SUN2: variants seen among roughly 807,000 people sequenced by gnomAD.
The protein encoded by SUN2 is Sad1 and UNC84 domain containing 2.
Under a neutral mutation model 100.0 loss-of-function variants are expected in SUN2, and 60 were observed. The observed-to-expected ratio is 0.60, with a 90% CI of 0.49 to 0.74. SUN2 has a LOEUF of 0.74. Among genes scored for constraint, SUN2 ranks in the 30% least tolerant of loss-of-function variants. The pLI, the probability that SUN2 is intolerant of heterozygous loss-of-function variation, is 0.00. For synonymous variants in SUN2, 367 were observed against 403.3 expected, an observed-to-expected ratio of 0.91 and a Z score of 1.08; for missense variants, 834 against 954.6, an observed-to-expected ratio of 0.87 and a Z score of 1.66.
rs758814971 is a variant in SUN2, at chr22:38,750,294, A to C, written c.451T>G (p.Ser151Ala). 4 of 1,613,922 alleles carry C rather than the reference A, an allele frequency of 2.5e-6. No individual in the cohort carries two copies. The Admixed American group carries it at 6.7e-5, about 27-fold the overall frequency. The change falls in exon 5 of 18, where the codon TCC (serine) becomes GCC (alanine). Residue 151 changes from serine to alanine, a missense_variant. Physicochemically the swap from Ser to Ala is moderately conservative, Grantham distance 99. Transcript: ENST00000689035. Reference sequence around the variant, plus strand: ...ACGGCGCTTCGGAGCCGCGAGCTGGAACTCTGCTGGTCCACATCCGAGTAG... The same window carrying C: ...ACGGCGCTTCGGAGCCGCGAGCTGGCACTCTGCTGGTCCACATCCGAGTAG... ...VGYSDVDQQS[S>A]SSRLRSAVSR...
intron 5 of SUN2, 138 bp from the exon 6 acceptor site, chr22:38,749,997 G>T: frequency 9.6e-7 from 1 of 1,041,138 alleles, no homozygotes; most frequent in Non-Finnish European, 1.4e-6. Context: ...CGGGACCCAG[G>T]TCCTTGGATC....
rs368451675 is a variant in SUN2 at position 38,752,010 on chromosome 22, T to C, written c.122+497A>G. Reference sequence around the variant, plus strand: ...TGAGATTGAGATGGAGTTTCACTCTTGTCAACCCAGGCTGGAGTGCAATGC... The same window carrying C: ...TGAGATTGAGATGGAGTTTCACTCTCGTCAACCCAGGCTGGAGTGCAATGC... On this transcript the variant is annotated intron_variant, in intron 2 of 17. Transcript: ENST00000689035. Among the ~76,000 whole-genome samples, 175 of 152,356 alleles carry C rather than the reference T, an allele frequency of 1.1e-3. 7 individuals are homozygous for C. In the South Asian group the frequency reaches 0.035, roughly 31 times the overall value.
At position 38,738,003 on chromosome 22, in the gene SUN2, C is replaced by T. The variant is rs2145929971; in HGVS notation, c.2040+170G>A. On this transcript the variant is annotated intron_variant, in intron 17 of 17. Coordinates refer to ENST00000689035, the MANE Select transcript of SUN2 (RefSeq NM_015374.3). This position sits in a 1 kb window ranked among gnomAD's most constrained non-coding sequence, Gnocchi z 6.6. ...AAGGTGCCTTCCCCTGTGCTGACGT[C>T]TGCAGGATGCGTGTTACACCCCATT... 1 of 728,114 alleles carries T rather than the reference C, an allele frequency of 1.4e-6. No homozygotes were observed. The highest frequency in any genetic ancestry group is 1.5e-5 in the South Asian group (1 of 67,384). The allele number at this position is 728,114 out of a possible 1,614,324, so 45.1% of individuals were successfully genotyped here.
chr22:38,737,708 G>GC lies in SUN2; in HGVS notation c.2040+464dup, dbSNP rs2092818390. On this transcript the variant is annotated intron_variant, in intron 17 of 17. Transcript: ENST00000689035. The surrounding 1 kb of genome is among the most constrained non-coding windows in gnomAD (Gnocchi z 4.1). ...AAATGCAGGCTCCTGGGTCCTGTCA[G>GC]CCCTAAGGAACCAGACTCTCCTGGG... The GC allele has an allele frequency of 2.8e-6, 1 of 359,856 alleles. No individual in the cohort carries two copies. The highest frequency in any genetic ancestry group is 5.5e-6 in the Non-Finnish European group (1 of 182,824). 22.3% of individuals were successfully genotyped at this position (359,856 alleles called of 1,614,324 possible). A position where few individuals can be genotyped will look rare whatever the true frequency, so the allele number is the denominator to read the frequency against.
At chr22:38,752,179 TGGTCAGGGTCA>T (rs2092950260) in intron 2 of SUN2, among the ~76,000 whole-genome samples, 3 of 152,194 alleles carry the variant, frequency 2.0e-5, no homozygotes, top group Non-Finnish European at 2.9e-5. Context: ...TTCACTATGT[TGGTCAGGGTCA>T]GGTGATCCAC....
rs566953413 is a variant in SUN2, at chr22:38,742,444, C to G, written c.925G>C (p.Glu309Gln). The change falls in exon 9 of 18, where the codon GAG becomes CAG. Residue 309 changes from glutamate (E) to glutamine (Q), a missense_variant. By Grantham distance (29) the Glu-to-Gln change is conservative. Transcript: ENST00000689035. ...QKEAMRLERL[E>Q]LRQGAPGQGG... ...TGGCCAGGAGCCCCTTGCCGCAGCTCCAGACGTTCCAGCCGCATGGCCTCC... is the reference window on the plus strand; with the variant it reads ...TGGCCAGGAGCCCCTTGCCGCAGCTGCAGACGTTCCAGCCGCATGGCCTCC... 6.2e-7 allele frequency: 1 copy of G among 1,613,622 alleles called. No individual in the cohort carries two copies. The highest frequency in any genetic ancestry group is 2.2e-5 in the East Asian group (1 of 44,884).
intron 6 of SUN2, 127 bp from the exon 7 acceptor site, chr22:38,748,910 CT>C (rs2092923797): frequency 1.1e-6 from 1 of 936,922 alleles, no homozygotes; most frequent in Non-Finnish European, 1.7e-6. Flanking sequence ...AGGAGGATAG[CT>C]TGAGCTTCTC....
chr22:38,753,153 C>T (rs994008990), intron 1 of SUN2, among the ~76,000 whole-genome samples: 24 of 151,360 alleles, frequency 1.6e-4, no homozygotes, highest in Admixed American at 2.6e-4. Flanking sequence ...GCTCGTTCAT[C>T]GAGGGCCCCA....
At chr22:38,751,447 A>C in intron 2 of SUN2, 74 bp from the exon 3 acceptor site, 11 of 1,565,770 alleles carry the variant, frequency 7.0e-6, no homozygotes, top group Middle Eastern at 1.7e-4. Flanking sequence ...GGAAAGCCAC[A>C]GCCTGCGGCC....
chr22:38,739,199 C>G lies in SUN2; in HGVS notation c.1663+143G>C. The G allele has an allele frequency of 5.9e-6, 6 of 1,017,798 alleles. No homozygotes were observed. The highest frequency in any genetic ancestry group is 2.0e-5 in the Admixed American group (1 of 50,416). The allele number at this position is 1,017,798 out of a possible 1,614,324, so 63.0% of individuals were successfully genotyped here. A position where few individuals can be genotyped will look rare whatever the true frequency, so the allele number is the denominator to read the frequency against. On this transcript the variant is annotated intron_variant, in intron 14 of 17. Transcript: ENST00000689035. This position sits in a 1 kb window ranked among gnomAD's most constrained non-coding sequence, Gnocchi z 6.7. ...CCTGACTTCCCTGAATTGCCACTTG[C>G]CTTTGTCATGGGTACTAGGTTGGGT...
chr22:38,750,831 C>A, intron 4 of SUN2, 67 bp downstream of exon 4: 3 of 1,596,766 alleles, frequency 1.9e-6, no homozygotes, highest in Non-Finnish European at 2.6e-6. Context: ...CCGGGGCTCC[C>A]TGCCCAGCCT....
At chr22:38,749,240 C>G (rs532087192) in intron 6 of SUN2, among the ~76,000 whole-genome samples, 9 of 152,336 alleles carry the variant, frequency 5.9e-5, no homozygotes, top group East Asian at 3.9e-4. Flanking sequence ...CCGTGTTCTT[C>G]TGCCTAAGGG....
rs201615116 is a variant in SUN2 at position 38,739,850 on chromosome 22, G to A, written c.1450C>T (p.Gln484Ter). 6.2e-7 allele frequency: 1 copy of A among 1,613,614 alleles called. No individual in the cohort carries two copies. The highest frequency in any genetic ancestry group is 8.5e-7 in the Non-Finnish European group (1 of 1,180,024). Residue 484 changes from glutamine (Q) to a stop codon, truncating the protein, a stop_gained, in exon 13 of 18, where the codon CAG (glutamine) becomes TAG (stop). Transcript: ENST00000689035. LOFTEE classifies it high-confidence loss of function. The surrounding 1 kb of genome is among the most constrained non-coding windows in gnomAD (Gnocchi z 6.7). ...ATCTTGCTCTCCAGCTCTCGCAGCT[G>A]AGCTTGCATCTCCTCTCTCTGAAGG... ...GLLQREEMQA[Q>*]LRELESKILT...
In SUN2 at chr22:38,740,525, G is replaced by C. The variant is rs149382856; in HGVS notation, c.1191-93C>G. 1 of 1,343,128 alleles carries C rather than the reference G, an allele frequency of 7.4e-7. No individual in the cohort carries two copies. Among genetic ancestry groups the C allele is most frequent in the East Asian group, 2.7e-5 (1 of 36,476 alleles). The allele number at this position is 1,343,128 out of a possible 1,614,324, so 83.2% of individuals were successfully genotyped here. On this transcript the variant is annotated intron_variant, in intron 11 of 17. Coordinates refer to ENST00000689035, the MANE Select transcript of SUN2 (RefSeq NM_015374.3). This position sits in a 1 kb window ranked among gnomAD's most constrained non-coding sequence, Gnocchi z 4.8. ...AAAGAGGACCCCCTAGTGGGCTCCC[G>C]TCAGGAGAGCGGGTGCCCAGCACTC...
At chr22:38,742,722 C>A (rs1253715911) in intron 8 of SUN2, 167 bp from the exon 9 acceptor site, 2 of 834,326 alleles carry the variant, frequency 2.4e-6, no homozygotes, top group African/African-American at 3.5e-5. Flanking sequence ...GGGCTGCCGA[C>A]CTCTGAGCTG....
rs2092866968 is a variant in SUN2, at chr22:38,742,435, G to T, written c.934C>A (p.Gln312Lys). 1 of 1,613,446 alleles carries T rather than the reference G, an allele frequency of 6.2e-7. No individual in the cohort carries two copies. The highest frequency in any genetic ancestry group is 1.1e-5 in the South Asian group (1 of 91,092). ...CCACCTCCCTGGCCAGGAGCCCCTT[G>T]CCGCAGCTCCAGACGTTCCAGCCGC... ...AMRLERLELRQGAPGQGGGGG... is the reference protein window; with the variant it reads ...AMRLERLELRKGAPGQGGGGG... Residue 312 changes from glutamine (Q) to lysine (K), a missense_variant, in exon 9 of 18, where the codon CAA (glutamine) becomes AAA (lysine). By Grantham distance (53) the Gln-to-Lys change is moderately conservative. Transcript: ENST00000689035.
intron 1 of SUN2, 108 bp from the exon 2 acceptor site, chr22:38,752,773 C>CCCCCCCG (rs2092956842): frequency 7.8e-7 from 1 of 1,280,744 alleles, no homozygotes; most frequent in African/African-American, 1.5e-5. Flanking sequence ...AACAGACCAC[C>CCCCCCCG]CCCCCGGCCC....
At chr22:38,747,597 A>C (rs1186036565) in intron 7 of SUN2, among the ~76,000 whole-genome samples, 1 of 152,226 alleles carries the variant, frequency 6.6e-6, no homozygotes, top group Non-Finnish European at 1.5e-5. Context: ...TAGGCAATTC[A>C]TATGAAACTA....
Position 38,740,082 on chromosome 22 carries a change from T to C in SUN2, c.1357-139A>G. The C allele has an allele frequency of 8.2e-7, 1 of 1,217,598 alleles. No individual in the cohort carries two copies. Among genetic ancestry groups the C allele is most frequent in the South Asian group, 1.5e-5 (1 of 67,470 alleles). 75.4% of individuals were successfully genotyped at this position (1,217,598 alleles called of 1,614,324 possible). ...GGAGGAAAGAGTTATGAACACTCCA[T>C]GGGCACTAACAAAAACAGGAAGAAC... On this transcript the variant is annotated intron_variant, in intron 12 of 17. Transcript: ENST00000689035. This position sits in a 1 kb window ranked among gnomAD's most constrained non-coding sequence, Gnocchi z 4.8.
Sources: allele counts gnomAD v4.1 joint callset (sites outside exome capture counted in the v4.1 genomes callset), GRCh38; gene constraint gnomAD v4.1.1; non-coding constraint Gnocchi (gnomAD v3.1); transcripts MANE v1.5; gene names NCBI Gene and HGNC (gene_info 2026-07-23, HGNC 2026-07-21).